The following MYO1E variants were observed in gnomAD, a reference collection of about 807,000 sequenced individuals.
MYO1E encodes the protein myosin IE.
MYO1E carries 68 observed loss-of-function variants against 151.1 expected under a neutral mutation model. The observed-to-expected ratio is 0.45, with a 90% CI of 0.37 to 0.55. The LOEUF (loss-of-function observed/expected upper bound fraction) is 0.55, where lower values mean the gene tolerates loss of function less well. Among genes scored for constraint, MYO1E ranks in the 20% least tolerant of loss-of-function variants. The pLI is 0.00. For missense variants in MYO1E, 1,363 were observed against 1,389.3 expected (o/e 0.98, Z 0.30); for synonymous variants, 601 against 501.7 (o/e 1.20, Z -2.64).
At chr15:59,357,215 A>G (rs2140438510) in intron 1 of MYO1E, among the ~76,000 whole-genome samples, 1 of 151,978 alleles carries the variant, frequency 6.6e-6, no homozygotes, top group South Asian at 2.1e-4. Flanking sequence ...CCTCTCATTA[A>G]GTTTTAAAAT....
At chr15:59,310,087 G>C (rs1211219779) in intron 1 of MYO1E, among the ~76,000 whole-genome samples, 1 of 152,160 alleles carries the variant, frequency 6.6e-6, no homozygotes, top group Non-Finnish European at 1.5e-5. Flanking sequence ...ACAGCCTGCT[G>C]CTTAGGTCCT....
chr15:59,147,596 C>CAAAAAAAAAAAAAAA (rs748173480), intron 26 of MYO1E, among the ~76,000 whole-genome samples: 7 of 66,092 alleles, frequency 1.1e-4, no homozygotes, highest in African/African-American at 1.9e-4. Context: ...GACTCTGTCT[C>CAAAAAAAAAAAAAAA]AAAAAAAAAA....
At chr15:59,301,076 C>T (rs1330880424) in intron 1 of MYO1E, among the ~76,000 whole-genome samples, 1 of 151,980 alleles carries the variant, frequency 6.6e-6, no homozygotes, top group Admixed American at 6.6e-5. Flanking sequence ...CCATGTTGGC[C>T]AGGCTGGTCT....
rs138749944 is a variant in MYO1E at position 59,211,084 on chromosome 15, C to T, written c.1276-484G>A. ...GTGTGGTGGGGCGCGCCTGTAATCC[C>T]GGCTACTTGGGAGGCTGAGGCAGGA... On this transcript the variant is annotated intron_variant, in intron 12 of 27. Coordinates refer to ENST00000288235, the MANE Select transcript of MYO1E (RefSeq NM_004998.4). Among the ~76,000 whole-genome samples, 810 of 151,754 alleles carry T rather than the reference C, an allele frequency of 5.3e-3. 13 individuals are homozygous for T. The highest frequency in any genetic ancestry group is 0.018 in the African/African-American group (756 of 41,364).
intron 10 of MYO1E, 64 bp from the exon 11 acceptor site, chr15:59,214,784 T>C (rs1215787108): frequency 4.7e-6 from 6 of 1,274,058 alleles, no homozygotes; most frequent in African/African-American, 4.4e-5. Context: ...GGGCATGCAC[T>C]GGGGAAAGGG....
intron 17 of MYO1E, among the ~76,000 whole-genome samples, chr15:59,191,726 T>C (rs187917125): frequency 6.6e-6 from 1 of 152,304 alleles, no homozygotes; most frequent in Admixed American, 6.5e-5. Flanking sequence ...ATGTTTAAAA[T>C]TTGGGGGTCA....
chr15:59,212,475 C>A (rs1434260365), intron 12 of MYO1E, among the ~76,000 whole-genome samples: 1 of 152,006 alleles, frequency 6.6e-6, no homozygotes, highest in African/African-American at 2.4e-5. Flanking sequence ...TGAATAGTAT[C>A]CCCCCAAATT....
Position 59,138,454 on chromosome 15 carries a change from G to A in MYO1E, c.3081-87C>T. The A allele has an allele frequency of 2.1e-6, 3 of 1,445,264 alleles. No homozygotes were observed. In the South Asian group the frequency reaches 3.5e-5, roughly 17 times the overall value. 89.5% of individuals were successfully genotyped at this position (1,445,264 alleles called of 1,614,324 possible). A position where few individuals can be genotyped will look rare whatever the true frequency, so the allele number is the denominator to read the frequency against. ...GGTTTGGAGCATGGCGGCCGGCACTGGCCTGTTCAAGTTCAAATCCAGCTC... is the reference window on the plus strand; with the variant it reads ...GGTTTGGAGCATGGCGGCCGGCACTAGCCTGTTCAAGTTCAAATCCAGCTC... On this transcript the variant is annotated intron_variant, in intron 26 of 27. Transcript: ENST00000288235.
chr15:59,299,690 A>C (rs2080470993), intron 1 of MYO1E, among the ~76,000 whole-genome samples: 1 of 152,244 alleles, frequency 6.6e-6, no homozygotes, highest in African/African-American at 2.4e-5. Flanking sequence ...CCTGGCTACC[A>C]GGTAAGCTGA....
rs2080403490 is a variant in MYO1E at position 59,288,909 on chromosome 15, C to T, written c.4-16460G>A. ...CCAGTGACAAAGACCATTTGAGCAA[C>T]AGACTGATGCCTTGTAGGCAAAAAA... On this transcript the variant is annotated intron_variant, in intron 1 of 27. Coordinates refer to ENST00000288235, the MANE Select transcript of MYO1E (RefSeq NM_004998.4). Among the ~76,000 whole-genome samples, 3 of 152,186 alleles carry T rather than the reference C, an allele frequency of 2.0e-5. No individual in the cohort carries two copies. In the East Asian group the frequency reaches 5.8e-4, roughly 29 times the overall value.
intron 6 of MYO1E, among the ~76,000 whole-genome samples, chr15:59,230,376 C>A (rs2140354195): frequency 6.6e-6 from 1 of 151,424 alleles, no homozygotes; most frequent in South Asian, 2.1e-4. Flanking sequence ...GATATATCCT[C>A]CAAATATAAT....
intron 3 of MYO1E, among the ~76,000 whole-genome samples, chr15:59,257,781 TA>T (rs1377194909): frequency 6.6e-6 from 1 of 152,072 alleles, no homozygotes; most frequent in Non-Finnish European, 1.5e-5. Flanking sequence ...TAAAGAACCC[TA>T]TGCAGGAACC....
chr15:59,158,211 G>A (rs1165725571), intron 25 of MYO1E, 76 bp downstream of exon 25: 15 of 1,281,036 alleles, frequency 1.2e-5, no homozygotes, highest in Non-Finnish European at 1.7e-5. Flanking sequence ...TTGCTAATGG[G>A]TTTCTTCCCA....
chr15:59,336,984 T>C (rs1309047877), intron 1 of MYO1E, among the ~76,000 whole-genome samples: 1 of 151,770 alleles, frequency 6.6e-6, no homozygotes, highest in Non-Finnish European at 1.5e-5. Context: ...TTCTTTATCC[T>C]GTCTATCATT....
chr15:59,352,744 T>C (rs2080830339), intron 1 of MYO1E, among the ~76,000 whole-genome samples: 1 of 152,200 alleles, frequency 6.6e-6, no homozygotes, highest in Non-Finnish European at 1.5e-5. Context: ...TATTCAACAG[T>C]GTGTTAAACT....
intron 13 of MYO1E, among the ~76,000 whole-genome samples, chr15:59,209,815 CTTTTTTTTTTTT>C (rs71119441): frequency 2.0e-4 from 10 of 49,872 alleles, no homozygotes; most frequent in Admixed American, 5.6e-4. Context: ...TTTGAATCAC[CTTTTTTTTTTTT>C]TTTTTTTTTT....
chr15:59,348,635 AT>A (rs779753764), intron 1 of MYO1E: 5,223 of 140,148 alleles, frequency 0.037, 161 homozygotes, highest in African/African-American at 0.092. Flanking sequence ...GTTCAATATC[AT>A]TTTTTTTTTT....
chr15:59,304,784 A>G (rs2080504969), intron 1 of MYO1E, among the ~76,000 whole-genome samples: 1 of 152,260 alleles, frequency 6.6e-6, no homozygotes, highest in Non-Finnish European at 1.5e-5. Flanking sequence ...TTGTCAATTA[A>G]GCTACAAAAT....
chr15:59,161,445 C>G (rs1306558587), intron 23 of MYO1E, among the ~76,000 whole-genome samples: 1 of 152,150 alleles, frequency 6.6e-6, no homozygotes, highest in Non-Finnish European at 1.5e-5. Flanking sequence ...CATCTGGGGC[C>G]CGGTACCGTG....
Sources: gnomAD v4.1 joint callset for allele counts (sites outside exome capture counted in the v4.1 genomes callset) on GRCh38, gnomAD v4.1.1 for gene constraint, MANE v1.5 for transcripts, NCBI Gene and HGNC (gene_info 2026-07-23, HGNC 2026-07-21) for gene names.